PCDH19: variants seen among roughly 807,000 people sequenced by gnomAD.
PCDH19 encodes the protein protocadherin-19.
In PCDH19, 6 loss-of-function variants were observed where a neutral mutation model predicts 46.2. The ratio of observed to expected loss-of-function variants is 0.13; its 90% CI spans 0.07 to 0.26. PCDH19 has a LOEUF of 0.26. Ranked by LOEUF, PCDH19 falls within the 10% of genes least tolerant of loss-of-function variation. PCDH19 has a pLI of 1.00. For missense variants in PCDH19, 740 were observed against 972.3 expected, an observed-to-expected ratio of 0.76 and a Z score of 3.18; for synonymous variants, 481 against 415.7, an observed-to-expected ratio of 1.16 and a Z score of -1.91.
At chrX:100,333,112 G>GGGAA (rs778212504) in intron 5 of PCDH19, among the ~76,000 whole-genome samples, 59 of 34,906 alleles carry the variant, frequency 1.7e-3, no homozygotes, top group Middle Eastern at 0.013. Flanking sequence ...GAAGGAGGGA[G>GGGAA]GGAAGGAAGG....
At position 100,409,882 on chromosome X, in the gene PCDH19, G is replaced by A. The variant is rs1036101006; in HGVS notation, c.-1285C>T. ...CCCGGAGAGGCGCTGGCCGCGCTGC[G>A]TTGGGCTCCCTTCCTCCCGGGCGCT... On this transcript the variant is annotated 5_prime_UTR_variant, in exon 1 of 6. The change creates a new upstream start codon in the 5' untranslated region. Coordinates refer to ENST00000373034, the MANE Select transcript of PCDH19 (RefSeq NM_001184880.2). The A allele has an allele frequency of 6.3e-6, 2 of 315,091 alleles. No homozygotes were observed. Among genetic ancestry groups the A allele is most frequent in the African/African-American group, 5.5e-5 (2 of 36,111 alleles). 26.0% of individuals were successfully genotyped at this position (315,091 alleles called of 1,213,427 possible).
chrX:100,321,943 C>A (rs2147467284), intron 5 of PCDH19, among the ~76,000 whole-genome samples: 1 of 108,266 alleles, frequency 9.2e-6, no homozygotes, highest in Admixed American at 9.9e-5. Flanking sequence ...GCGCCCGCCA[C>A]CACACCCGGC....
intron 3 of PCDH19, among the ~76,000 whole-genome samples, chrX:100,398,439 C>G (rs988447678): frequency 8.9e-6 from 1 of 112,244 alleles, no homozygotes; most frequent in Non-Finnish European, 1.9e-5. Flanking sequence ...GACACTGATA[C>G]AAGAGCTATC....
intron 5 of PCDH19, among the ~76,000 whole-genome samples, chrX:100,340,537 A>G (rs956180682): frequency 2.7e-5 from 3 of 112,107 alleles, no homozygotes; most frequent in African/African-American, 9.7e-5. Context: ...TCTCTGTTTC[A>G]GTTATATAAC....
chrX:100,377,445 T>C (rs1266881161), intron 3 of PCDH19, among the ~76,000 whole-genome samples: 1 of 112,125 alleles, frequency 8.9e-6, no homozygotes, highest in African/African-American at 3.2e-5. Context: ...TGCACTGCCC[T>C]GCCCTGGATC....
intron 5 of PCDH19, among the ~76,000 whole-genome samples, chrX:100,312,535 G>A (rs770708578): frequency 3.6e-5 from 4 of 111,024 alleles, no homozygotes; most frequent in South Asian, 3.8e-4. Context: ...TATACTAGTC[G>A]GAAAAAGTAA....
intron 5 of PCDH19, among the ~76,000 whole-genome samples, chrX:100,317,177 A>G (rs1051015330): frequency 2.7e-5 from 3 of 111,652 alleles, no homozygotes; most frequent in Non-Finnish European, 5.6e-5. Context: ...AGTGGGTGGA[A>G]GAATGTCTGG....
At chrX:100,396,386 C>G (rs903763816) in intron 3 of PCDH19, among the ~76,000 whole-genome samples, 4 of 111,578 alleles carry the variant, frequency 3.6e-5, no homozygotes, top group Non-Finnish European at 7.5e-5. Flanking sequence ...CCTTGTAAGT[C>G]TGACTGACAA....
At chrX:100,345,823 C>T (rs1314363778) in intron 4 of PCDH19, among the ~76,000 whole-genome samples, 8 of 111,515 alleles carry the variant, frequency 7.2e-5, no homozygotes, top group Non-Finnish European at 1.3e-4. Context: ...AAACTAAGCA[C>T]CACTTACACT....
Position 100,292,288 on chromosome X carries a change from T to C in PCDH19, c.*3989A>G, listed in dbSNP as rs1027437010. On this transcript the variant is annotated 3_prime_UTR_variant, in exon 6 of 6. Coordinates refer to ENST00000373034, the MANE Select transcript of PCDH19 (RefSeq NM_001184880.2). ...CAGTTAGTAACAAGGTCATCTTGAA[T>C]TGCCAACACAGCTGGAGCAACAGTC... 1.8e-5 allele frequency: 2 copies of C among 112,828 alleles called. No homozygotes were observed. The highest frequency in any genetic ancestry group is 6.5e-5 in the African/African-American group (2 of 30,972). 9.3% of individuals were successfully genotyped at this position (112,828 alleles called of 1,213,427 possible). A position where few individuals can be genotyped will look rare whatever the true frequency, so the allele number is the denominator to read the frequency against.
intron 3 of PCDH19, among the ~76,000 whole-genome samples, chrX:100,360,177 T>C (rs904929512): frequency 5.4e-5 from 6 of 111,903 alleles, no homozygotes; most frequent in African/African-American, 1.9e-4. Flanking sequence ...TCCCATTATT[T>C]ATATTATGTG....
At chrX:100,346,568 T>C (rs902490205) in intron 4 of PCDH19, among the ~76,000 whole-genome samples, 2 of 111,868 alleles carry the variant, frequency 1.8e-5, no homozygotes, top group Non-Finnish European at 3.8e-5. Context: ...AGAAATCTAG[T>C]GCTAGTCTTT....
intron 5 of PCDH19, among the ~76,000 whole-genome samples, chrX:100,333,706 T>C (rs996703026): frequency 1.8e-5 from 2 of 111,971 alleles, no homozygotes; most frequent in African/African-American, 6.5e-5. Context: ...CATTTATTTT[T>C]TGATGAGTAA....
At chrX:100,314,989 C>T (rs1424322564) in intron 5 of PCDH19, among the ~76,000 whole-genome samples, 1 of 111,778 alleles carries the variant, frequency 8.9e-6, no homozygotes, top group Non-Finnish European at 1.9e-5. Flanking sequence ...TCCCTCATCA[C>T]AGCAAATCTT....
intron 3 of PCDH19, among the ~76,000 whole-genome samples, chrX:100,400,788 A>C (rs145510125): frequency 8.9e-6 from 1 of 112,322 alleles, no homozygotes; most frequent in African/African-American, 3.2e-5. Flanking sequence ...TAGAAGAAGC[A>C]ATCAATGTAA....
At position 100,325,394 on chromosome X, in the gene PCDH19, G is replaced by A. The variant is rs182406535; in HGVS notation, c.2848+16509C>T. ...CTTTTTTTTTTTTTTTTTTTGAGACGGAGTCTCACTCTGTTGCCAGGCTGG... is the reference window on the plus strand; with the variant it reads ...CTTTTTTTTTTTTTTTTTTTGAGACAGAGTCTCACTCTGTTGCCAGGCTGG... On this transcript the variant is annotated intron_variant, in intron 5 of 5. Coordinates refer to ENST00000373034, the MANE Select transcript of PCDH19 (RefSeq NM_001184880.2). Among the ~76,000 whole-genome samples the A allele has an allele frequency of 6.4e-3, 596 of 92,433 alleles. 7 individuals carry two copies. Among genetic ancestry groups the A allele is most frequent in the African/African-American group, 0.02 (524 of 26,114 alleles). 80.3% of individuals were successfully genotyped at this position (92,433 alleles called of 115,157 possible). A position where few individuals can be genotyped will look rare whatever the true frequency, so the allele number is the denominator to read the frequency against.
intron 1 of PCDH19, among the ~76,000 whole-genome samples, chrX:100,403,937 A>C (rs1310138044): frequency 1.8e-5 from 2 of 112,293 alleles, no homozygotes; most frequent in African/African-American, 6.5e-5. Context: ...TCAGCAAAAC[A>C]ATAGGGTTAA....
At chrX:100,347,879 A>G (rs1452489376) in intron 4 of PCDH19, among the ~76,000 whole-genome samples, 2 of 107,637 alleles carry the variant, frequency 1.9e-5, no homozygotes, top group African/African-American at 3.4e-5. Flanking sequence ...CCTGGCTAAC[A>G]TGGCGAAACC....
In PCDH19 at chrX:100,296,489, G is replaced by C. The variant is rs200854927; in HGVS notation, c.3235C>G (p.Pro1079Ala). ...AGGGCAATGGTGTAAGACACGGAAG[G>C]CTTGGTGGGCAGAGAGCTCTTGAGG... ...LHLKSSLPTK[P>A]SVSYTIALAP... The change falls in exon 6 of 6, where the codon CCT becomes GCT. Residue 1079 changes from proline (P) to alanine (A), a missense_variant. Pro to Ala is a conservative substitution (Grantham distance 27). Transcript: ENST00000373034. 135 of 1,209,262 alleles carry C rather than the reference G, an allele frequency of 1.1e-4. No individual in the cohort carries two copies. The African/African-American group carries it at 1.5e-3, about 14-fold the overall frequency.
Sources: allele counts gnomAD v4.1 joint callset (sites outside exome capture counted in the v4.1 genomes callset), GRCh38; gene constraint gnomAD v4.1.1; transcripts MANE v1.5; gene names NCBI Gene and HGNC (gene_info 2026-07-23, HGNC 2026-07-21).